The following ZBTB44 variants were observed in gnomAD, a reference collection of about 807,000 sequenced individuals.
ZBTB44 encodes the protein zinc finger and BTB domain containing 44.
ZBTB44 carries 15 observed loss-of-function variants against 54.0 expected under a neutral mutation model. The observed-to-expected ratio is 0.28, with a 90% confidence interval of 0.19 to 0.43. The LOEUF (loss-of-function observed/expected upper bound fraction) is 0.43, where lower values mean the gene tolerates loss of function less well. ZBTB44 is among the 20% of genes least tolerant of loss of function. ZBTB44 has a pLI of 1.00. For missense variants in ZBTB44, 487 were observed against 707.1 expected (o/e 0.69, Z 3.53); for synonymous variants, 230 against 250.1 (o/e 0.92, Z 0.76).
intron 1 of ZBTB44, among the ~76,000 whole-genome samples, chr11:130,281,896 C>T (rs574729594): frequency 3.9e-5 from 6 of 152,256 alleles, no homozygotes; most frequent in South Asian, 2.1e-4. Flanking sequence ...TGAGCCACCG[C>T]GCCCGGCCTA....
chr11:130,286,334 T>C (rs1223232921), intron 1 of ZBTB44, among the ~76,000 whole-genome samples: 2 of 152,306 alleles, frequency 1.3e-5, no homozygotes, highest in East Asian at 1.9e-4. Context: ...AAATACATAC[T>C]TTTTGACCTG....
chr11:130,265,509 G>T (rs952573324), intron 1 of ZBTB44, among the ~76,000 whole-genome samples: 16 of 152,182 alleles, frequency 1.1e-4, no homozygotes, highest in African/African-American at 3.9e-4. Flanking sequence ...TGCTAGAAAT[G>T]ATTAAGTTTA....
At chr11:130,276,431 CTTT>C (rs1004293725) in intron 1 of ZBTB44, among the ~76,000 whole-genome samples, 1 of 142,778 alleles carries the variant, frequency 7.0e-6, no homozygotes. Flanking sequence ...CTATACGTTT[CTTT>C]TTTTTTTCTT....
Position 130,229,741 on chromosome 11 carries a change from T to C in ZBTB44, c.*2023A>G, listed in dbSNP as rs1485933941. The C allele has an allele frequency of 1.3e-5, 2 of 152,190 alleles. No homozygotes were observed. Among genetic ancestry groups the C allele is most frequent in the Admixed American group, 6.6e-5 (1 of 15,266 alleles). 9.4% of individuals were successfully genotyped at this position (152,190 alleles called of 1,614,324 possible). ...AATTTAGCTTTTATACATTCATCTC[T>C]CAATAACTTTCAAAATCTAAATATA... On this transcript the variant is annotated 3_prime_UTR_variant, in exon 8 of 8. Transcript: ENST00000357899.
chr11:130,231,915 C>G (rs1190208022), intron 7 of ZBTB44, 200 bp from the exon 8 acceptor site: 1 of 152,132 alleles, frequency 6.6e-6, no homozygotes. Flanking sequence ...AGTAATGCAA[C>G]CCTATCAGTG....
intron 1 of ZBTB44, among the ~76,000 whole-genome samples, chr11:130,308,794 T>C (rs150193611): frequency 1.3e-5 from 2 of 152,238 alleles, no homozygotes; most frequent in African/African-American, 4.8e-5. Flanking sequence ...GGTGAATGGG[T>C]CCAAGTGCAA....
At chr11:130,306,107 A>G (rs1294628395) in intron 1 of ZBTB44, among the ~76,000 whole-genome samples, 1 of 152,178 alleles carries the variant, frequency 6.6e-6, no homozygotes, top group Non-Finnish European at 1.5e-5. Flanking sequence ...TAAAAATAAT[A>G]AATATTGGCA....
intron 1 of ZBTB44, among the ~76,000 whole-genome samples, chr11:130,303,385 C>T (rs775121465): frequency 3.9e-5 from 6 of 152,208 alleles, no homozygotes; most frequent in Non-Finnish European, 5.9e-5. Context: ...CGTTTAATCC[C>T]GGCACTTTAG....
chr11:130,290,301 A>AG (rs1300438517), intron 1 of ZBTB44, among the ~76,000 whole-genome samples: 1 of 152,244 alleles, frequency 6.6e-6, no homozygotes, highest in Non-Finnish European at 1.5e-5. Flanking sequence ...TTCGGAGGGA[A>AG]GGAGCACTTG....
chr11:130,259,686 C>T (rs963551500), intron 2 of ZBTB44, among the ~76,000 whole-genome samples: 15 of 151,744 alleles, frequency 9.9e-5, no homozygotes, highest in African/African-American at 1.5e-4. Flanking sequence ...CATCATTCTC[C>T]GCAAACTATC....
At chr11:130,272,479 T>C (rs969396979) in intron 1 of ZBTB44, among the ~76,000 whole-genome samples, 1 of 152,236 alleles carries the variant, frequency 6.6e-6, no homozygotes, top group Admixed American at 6.5e-5. Context: ...CAGAGTTCTT[T>C]ATATATTCTA....
chr11:130,311,700 C>T (rs918459338), intron 1 of ZBTB44, among the ~76,000 whole-genome samples: 2 of 152,130 alleles, frequency 1.3e-5, no homozygotes, highest in Admixed American at 6.5e-5. Flanking sequence ...GCAGCAGCAA[C>T]GAATATGCCA....
rs1327317781 is a variant in ZBTB44, at chr11:130,229,332, AG to A, written c.*2431del. On this transcript the variant is annotated 3_prime_UTR_variant, in exon 8 of 8. Coordinates refer to ENST00000357899, the MANE Select transcript of ZBTB44 (RefSeq NM_001301098.2). ...CAAGTCTTCATCCCATAACTGACAC[AG>A]GCTTAACCCCCCATAAATATTACAA... 1.3e-5 allele frequency: 2 copies of A among 152,202 alleles called. No homozygotes were observed. The highest frequency in any genetic ancestry group is 6.6e-5 in the Admixed American group (1 of 15,264). 9.4% of individuals were successfully genotyped at this position (152,202 alleles called of 1,614,324 possible). A position where few individuals can be genotyped will look rare whatever the true frequency, so the allele number is the denominator to read the frequency against.
At chr11:130,296,750 T>C in intron 1 of ZBTB44, 1 of 834,018 alleles carries the variant, frequency 1.2e-6, no homozygotes, top group Non-Finnish European at 2.1e-6. Flanking sequence ...AGAAATTGAT[T>C]GAAAAGAACT....
chr11:130,236,772 G>A, intron 5 of ZBTB44, 21 bp downstream of exon 5: 2 of 1,322,190 alleles, frequency 1.5e-6, no homozygotes, highest in East Asian at 3.0e-5. Context: ...TTCCTGGTTG[G>A]GTTTTCGTTG....
intron 1 of ZBTB44, among the ~76,000 whole-genome samples, chr11:130,276,268 G>C (rs541464948): frequency 1.8e-5 from 2 of 111,124 alleles, no homozygotes; most frequent in African/African-American, 7.2e-5. Flanking sequence ...TCAGAGGTTT[G>C]TTTCATGGCT....
intron 1 of ZBTB44, among the ~76,000 whole-genome samples, chr11:130,279,584 A>G (rs1323727826): frequency 1.3e-5 from 2 of 152,160 alleles, no homozygotes; most frequent in Admixed American, 1.3e-4. Flanking sequence ...GCTCGAGTCC[A>G]GGAGGTGGAG....
chr11:130,243,473 A>G (rs1056326905), intron 2 of ZBTB44, among the ~76,000 whole-genome samples: 1 of 152,230 alleles, frequency 6.6e-6, no homozygotes, highest in African/African-American at 2.4e-5. Flanking sequence ...TCTGTGTTGT[A>G]ACAATTTGTA....
intron 1 of ZBTB44, among the ~76,000 whole-genome samples, chr11:130,266,988 G>T (rs1318309362): frequency 1.3e-5 from 2 of 152,110 alleles, no homozygotes; most frequent in African/African-American, 4.8e-5. Flanking sequence ...TTTTTTAGCT[G>T]GGCGCAATGG....
Sources: allele counts gnomAD v4.1 joint callset (sites outside exome capture counted in the v4.1 genomes callset), GRCh38; gene constraint gnomAD v4.1.1; transcripts MANE v1.5; gene names NCBI Gene and HGNC (gene_info 2026-07-23, HGNC 2026-07-21).